The following LHPP variants were observed in gnomAD, a reference collection of about 807,000 sequenced individuals.
The protein encoded by LHPP is hLHPP.
Under a neutral mutation model 30.3 loss-of-function variants are expected in LHPP, and 24 were observed. That is an observed-to-expected ratio of 0.79 (90% CI 0.57 to 1.11). The LOEUF is 1.11. LHPP is among the 50% of genes most tolerant of loss of function. LHPP has a pLI of 0.00. For missense variants in LHPP, 356 were observed against 367.2 expected (o/e 0.97, Z 0.25); for synonymous variants, 150 against 157.1 (o/e 0.95, Z 0.34).
At chr10:124,469,789 A>G (rs11245064) in intron 1 of LHPP, among the ~76,000 whole-genome samples, 21,232 of 152,188 alleles carry the variant, frequency 0.14, 1,897 homozygotes, top group Non-Finnish European at 0.19. Context: ...ATGGGGGACC[A>G]GCAGGCGACA....
At chr10:124,492,825 A>T (rs534751789) in intron 3 of LHPP, among the ~76,000 whole-genome samples, 1 of 152,292 alleles carries the variant, frequency 6.6e-6, no homozygotes, top group East Asian at 1.9e-4. Context: ...AGTCACCAAC[A>T]CCTCACTAGA....
At chr10:124,583,085 G>T (rs907150562) in intron 6 of LHPP, among the ~76,000 whole-genome samples, 1 of 152,132 alleles carries the variant, frequency 6.6e-6, no homozygotes, top group South Asian at 2.1e-4. Flanking sequence ...CTCATATTTT[G>T]TGGGTTGTCT....
In LHPP at chr10:124,590,501, G is replaced by A. The variant is rs1948869715; in HGVS notation, c.717-22763G>A. Among the ~76,000 whole-genome samples the A allele has an allele frequency of 2.0e-5, 3 of 152,208 alleles. No individual in the cohort carries two copies. ...AGAAAGCCGCTGTGTGACCCCATTA[G>A]GGGACTTGGCTCTCCTGCCAAGCCC... On this transcript the variant is annotated intron_variant, in intron 6 of 6. Coordinates refer to ENST00000368842, the MANE Select transcript of LHPP (RefSeq NM_022126.4). The surrounding 1 kb of genome is among the most constrained non-coding windows in gnomAD (Gnocchi z 4.3).
At chr10:124,488,323 AGGG>A in intron 2 of LHPP, 96 bp from the exon 3 acceptor site, 1 of 1,036,562 alleles carries the variant, frequency 9.6e-7, no homozygotes, top group Admixed American at 2.1e-5. Context: ...CATCTGAGAA[AGGG>A]GGAGGACATG....
chr10:124,580,065 C>G (rs1305112315), intron 6 of LHPP, among the ~76,000 whole-genome samples: 1 of 152,160 alleles, frequency 6.6e-6, no homozygotes, highest in African/African-American at 2.4e-5. Flanking sequence ...ACCATTGAAA[C>G]TTCCTTTTTG....
chr10:124,512,289 C>T (rs145229826), intron 5 of LHPP, among the ~76,000 whole-genome samples: 2 of 152,162 alleles, frequency 1.3e-5, no homozygotes, highest in African/African-American at 4.8e-5. Context: ...GGAATTTCCT[C>T]AACGAAACAT....
At chr10:124,465,115 TAG>T (rs1301054445) in intron 1 of LHPP, among the ~76,000 whole-genome samples, 1 of 151,938 alleles carries the variant, frequency 6.6e-6, no homozygotes, top group Admixed American at 6.6e-5. Context: ...TGGCCTGTGC[TAG>T]AGAGGGGGTC....
At chr10:124,512,010 C>T (rs1284674365) in intron 5 of LHPP, among the ~76,000 whole-genome samples, 1 of 152,128 alleles carries the variant, frequency 6.6e-6, no homozygotes, top group East Asian at 1.9e-4. Flanking sequence ...TGACCACCCA[C>T]AAGCCCAGTA....
intron 1 of LHPP, among the ~76,000 whole-genome samples, chr10:124,464,527 C>T (rs1039181194): frequency 1.3e-5 from 2 of 152,166 alleles, no homozygotes; most frequent in African/African-American, 4.8e-5. Flanking sequence ...TAGGACACTC[C>T]GCTGGGTCCT....
Position 124,485,484 on chromosome 10 carries a change from C to T in LHPP, c.313+1158C>T, listed in dbSNP as rs143424601. ...TGCATCCGTGTTTTCAATAACTAGACCCTTGTTTTCAGACTTGGAATTTTT... is the reference window on the plus strand; with the variant it reads ...TGCATCCGTGTTTTCAATAACTAGATCCTTGTTTTCAGACTTGGAATTTTT... On this transcript the variant is annotated intron_variant, in intron 2 of 6. Transcript: ENST00000368842. Among the ~76,000 whole-genome samples the T allele has an allele frequency of 6.0e-4, 92 of 152,088 alleles. No homozygotes were observed. In the East Asian group the frequency reaches 0.015, roughly 25 times the overall value.
At chr10:124,570,590 A>G (rs1247348628) in intron 6 of LHPP, among the ~76,000 whole-genome samples, 7 of 152,178 alleles carry the variant, frequency 4.6e-5, no homozygotes, top group Admixed American at 4.6e-4. Flanking sequence ...TGTCACTCCA[A>G]AGAGAAACCC....
At chr10:124,553,317 T>C (rs2085175) in intron 6 of LHPP, among the ~76,000 whole-genome samples, 149,441 of 152,324 alleles carry the variant, frequency 0.98, 73,314 homozygotes, top group East Asian at 1. Context: ...GGGGTTCTCA[T>C]GTGGGGAGCA....
At chr10:124,586,952 G>T (rs779378928) in intron 6 of LHPP, among the ~76,000 whole-genome samples, 2 of 151,352 alleles carry the variant, frequency 1.3e-5, no homozygotes, top group Non-Finnish European at 2.9e-5. Context: ...AGATGAACTT[G>T]GGGGATTTTA....
chr10:124,562,142 T>C (rs1948406169), intron 6 of LHPP, among the ~76,000 whole-genome samples: 1 of 151,948 alleles, frequency 6.6e-6, no homozygotes, highest in Non-Finnish European at 1.5e-5. Context: ...ACCTTGTCTC[T>C]ACAAAAATTA....
intron 1 of LHPP, among the ~76,000 whole-genome samples, chr10:124,465,207 G>T (rs186873086): frequency 1.3e-5 from 2 of 152,072 alleles, no homozygotes; most frequent in African/African-American, 2.4e-5. Flanking sequence ...CGGAGGAAGC[G>T]CATTCCAGGC....
intron 6 of LHPP, among the ~76,000 whole-genome samples, chr10:124,573,852 G>GGCTTA (rs960087024): frequency 4.6e-5 from 7 of 152,100 alleles, no homozygotes; most frequent in African/African-American, 1.4e-4. Flanking sequence ...AGCTGTCGGG[G>GGCTTA]GCTGTGGGGG....
chr10:124,512,598 C>T (rs1444142546), intron 5 of LHPP, among the ~76,000 whole-genome samples: 1 of 119,752 alleles, frequency 8.4e-6, no homozygotes, highest in Non-Finnish European at 1.6e-5. Context: ...GCCTGGGTGA[C>T]AGAGCGGGAC....
Position 124,613,307 on chromosome 10 carries a change from G to C in LHPP, c.760G>C (p.Val254Leu). 2 of 1,613,518 alleles carry C rather than the reference G, an allele frequency of 1.2e-6. No individual in the cohort carries two copies. Among genetic ancestry groups the C allele is most frequent in the Admixed American group, 1.7e-5 (1 of 60,028 alleles). ...TCCGGAAGTGAAGGCTGATGGGTAC[G>C]TGGACAACCTCGCAGAGGCAGTGGA... ...HHPEVKADGY[V>L]DNLAEAVDLL... Residue 254 changes from valine to leucine, a missense_variant, in exon 7 of 7, where the codon GTG (valine) becomes CTG (leucine). Val to Leu is a conservative substitution (Grantham distance 32). Coordinates refer to ENST00000368842, the MANE Select transcript of LHPP (RefSeq NM_022126.4).
rs374004656 is a variant in LHPP at position 124,517,254 on chromosome 10, G to A, written c.699G>A (p.Val233=). The A allele has an allele frequency of 7.2e-5, 116 of 1,600,108 alleles. No homozygotes were observed. Among genetic ancestry groups the A allele is most frequent in the Non-Finnish European group, 9.4e-5 (110 of 1,173,612 alleles). Reference sequence around the variant, plus strand: ...GGTGTGGAATGAGAGCGCTGCAGGTGCGCACCGGGAAGTTCAGGTCAGTGC... The same window carrying A: ...GGTGTGGAATGAGAGCGCTGCAGGTACGCACCGGGAAGTTCAGGTCAGTGC... The part of the protein sequence containing the change: ...AQRCGMRALQ[V]RTGKFRPSDE... The change falls in exon 6 of 7, where the codon GTG becomes GTA. Residue 233 remains valine (V), a synonymous_variant. Coordinates refer to ENST00000368842, the MANE Select transcript of LHPP (RefSeq NM_022126.4). This position sits in a 1 kb window ranked among gnomAD's most constrained non-coding sequence, Gnocchi z 4.1.
Sources: gnomAD v4.1 joint callset for allele counts (sites outside exome capture counted in the v4.1 genomes callset) on GRCh38, gnomAD v4.1.1 for gene constraint, Gnocchi (gnomAD v3.1) non-coding constraint, MANE v1.5 for transcripts, NCBI Gene and HGNC (gene_info 2026-07-23, HGNC 2026-07-21) for gene names.